Variants in ZNF208 observed in about 807,000 individuals in gnomAD.
ZNF208 encodes the protein zinc finger protein 208, also known as zinc finger protein 95.
ZNF208 carries 10 observed loss-of-function variants against 12.1 expected under a neutral mutation model. The observed-to-expected ratio is 0.83, with a 90% confidence interval of 0.51 to 1.40. The LOEUF (loss-of-function observed/expected upper bound fraction) is 1.40. ZNF208 is among the 40% of genes most tolerant of loss of function. The pLI is 0.00. For missense variants in ZNF208, 1,652 were observed against 1,485.0 expected, an observed-to-expected ratio of 1.11 and a Z score of -1.85; for synonymous variants, 497 against 488.4, an observed-to-expected ratio of 1.02 and a Z score of -0.23.
chr19:22,009,426 G>T (rs541777805), intron 1 of ZNF208: 1 of 152,272 alleles, frequency 6.6e-6, no homozygotes, highest in East Asian at 1.9e-4. Context: ...TTAGACTGAG[G>T]AGGCTCTAGT....
intron 3 of ZNF208, 46 bp downstream of exon 3, chr19:21,987,170 G>A (rs758606405): frequency 1.3e-6 from 2 of 1,580,884 alleles, no homozygotes; most frequent in Admixed American, 3.7e-5. Context: ...CTTCCTCCTT[G>A]ACTTTCGACC....
rs148470875 is a variant in ZNF208 at position 21,976,109 on chromosome 19, G to A, written c.227-1302C>T. On this transcript the variant is annotated intron_variant, in intron 3 of 3. Transcript: ENST00000397126. ...GAATTTCTAGCATTATTCTAATGGT[G>A]CAGAAAACATTTTTAATTATTCTCT... is the stretch of plus-strand genomic sequence containing the variant. Among the ~76,000 whole-genome samples the A allele has an allele frequency of 2.0e-4, 30 of 152,172 alleles. No homozygotes were observed. In the East Asian group the frequency reaches 4.8e-3, roughly 24 times the overall value.
At chr19:21,955,515 C>A (rs576631017) in intron 4 of ZNF208, among the ~76,000 whole-genome samples, 2 of 152,160 alleles carry the variant, frequency 1.3e-5, no homozygotes, top group Non-Finnish European at 2.9e-5. Flanking sequence ...TTCTTGGAGG[C>A]TTTGTTCATT....
rs558802887 is a variant in ZNF208 at position 21,956,127 on chromosome 19, C to A, written c.305+18602G>T. Among the ~76,000 whole-genome samples the A allele has an allele frequency of 2.6e-5, 4 of 152,346 alleles. No individual in the cohort carries two copies. In the South Asian group the frequency reaches 8.3e-4, roughly 32 times the overall value. On this transcript the variant is annotated intron_variant, in intron 4 of 4. Coordinates refer to the ZNF208 transcript ENST00000599916. ...CTCCAGACCCTGTTTGCCTGGGTAT[C>A]ACCAGCGGAGGCTGCAGAACAGCAA...
At chr19:21,975,714 C>CAA in intron 3 of ZNF208, among the ~76,000 whole-genome samples, 1 of 147,406 alleles carries the variant, frequency 6.8e-6, no homozygotes, top group Non-Finnish European at 1.5e-5. Context: ...AATAGGAACA[C>CAA]AAAAGTGTAT....
At chr19:21,986,342 CA>C (rs1568450465) in intron 3 of ZNF208, among the ~76,000 whole-genome samples, 3 of 151,836 alleles carry the variant, frequency 2.0e-5, no homozygotes, top group Non-Finnish European at 4.4e-5. Context: ...ATAAAATTAA[CA>C]TACAAGTTAT....
intron 1 of ZNF208, among the ~76,000 whole-genome samples, chr19:22,002,073 C>T (rs1269227352): frequency 1.3e-5 from 2 of 151,982 alleles, no homozygotes; most frequent in African/African-American, 4.8e-5. Flanking sequence ...TGATTCATCA[C>T]ATAAACAGAA....
intron 1 of ZNF208, among the ~76,000 whole-genome samples, chr19:21,989,934 GTTT>G (rs571028943): frequency 1.3e-5 from 2 of 151,700 alleles, no homozygotes; most frequent in Non-Finnish European, 2.9e-5. Context: ...GGGGTTGTTT[GTTT>G]TTTTCTTGTA....
Position 21,966,323 on chromosome 19 carries a change from A to AT in ZNF208, c.*4867dup, listed in dbSNP as rs757390846. On this transcript the variant is annotated 3_prime_UTR_variant, in exon 4 of 4. Coordinates refer to ENST00000397126, the MANE Select transcript of ZNF208 (RefSeq NM_007153.3). ...TCATCTTTGTTTCCATGTGCGCCCA[A>AT]TTTTTAGCATCCATGTATGAGTGAG... The AT allele has an allele frequency of 2.6e-5, 4 of 151,758 alleles. No individual in the cohort carries two copies. The highest frequency in any genetic ancestry group is 5.9e-5 in the Non-Finnish European group (4 of 67,928). 9.4% of individuals were successfully genotyped at this position (151,758 alleles called of 1,614,324 possible). A position where few individuals can be genotyped will look rare whatever the true frequency, so the allele number is the denominator to read the frequency against.
At chr19:21,948,765 GAAACAA>G (rs1969850333) in intron 4 of ZNF208, among the ~76,000 whole-genome samples, 2 of 147,080 alleles carry the variant, frequency 1.4e-5, no homozygotes, top group South Asian at 4.3e-4. Flanking sequence ...TAACTGTTAA[GAAACAA>G]GTAGCCTTAC....
At chr19:21,942,664 T>A (rs1005563602) in intron 4 of ZNF208, among the ~76,000 whole-genome samples, 1 of 152,194 alleles carries the variant, frequency 6.6e-6, no homozygotes, top group African/African-American at 2.4e-5. Flanking sequence ...TCTTTCTTTT[T>A]TTCAGACAGA....
chr19:21,950,180 A>G (rs575938842), intron 4 of ZNF208, among the ~76,000 whole-genome samples: 1 of 152,336 alleles, frequency 6.6e-6, no homozygotes, highest in East Asian at 1.9e-4. Context: ...GTATATTCAG[A>G]AAGCCTTTCT....
chr19:21,961,462 C>T (rs185903033), downstream of ZNF208, among the ~76,000 whole-genome samples: 14 of 152,230 alleles, frequency 9.2e-5, no homozygotes, highest in South Asian at 4.1e-4. Context: ...GGTCTATGTT[C>T]AGCTGTGCAC....
chr19:21,965,902 G>A (rs1350140128), downstream of ZNF208: 1 of 151,898 alleles, frequency 6.6e-6, no homozygotes, highest in Non-Finnish European at 1.5e-5. Context: ...TAATAAAGGT[G>A]TAATTTGTTT....
chr19:21,985,860 T>C (rs1430362888), intron 3 of ZNF208, among the ~76,000 whole-genome samples: 1 of 152,104 alleles, frequency 6.6e-6, no homozygotes, highest in Non-Finnish European at 1.5e-5. Flanking sequence ...CTAATCCACA[T>C]CCTATTATAA....
rs776778725 is a variant in ZNF208 at position 21,974,467 on chromosome 19, A to G, written c.567T>C (p.Ser189=). ...VRSFCMLSHL[S]QHKRIYTREN... ...CTCTAGTATAAATTCTTTTATGTTGAGATAGGTGTGAAAGCATGCAAAATG... is the reference window on the plus strand; with the variant it reads ...CTCTAGTATAAATTCTTTTATGTTGGGATAGGTGTGAAAGCATGCAAAATG... The change falls in exon 4 of 4, where the codon TCT becomes TCC. Residue 189 remains serine, a synonymous_variant. Transcript: ENST00000397126. The G allele has an allele frequency of 4.3e-6, 7 of 1,613,708 alleles. No homozygotes were observed. In the South Asian group the frequency reaches 7.7e-5, roughly 18 times the overall value.
At chr19:21,976,307 T>G (rs757935754) in intron 3 of ZNF208, among the ~76,000 whole-genome samples, 2 of 152,172 alleles carry the variant, frequency 1.3e-5, no homozygotes, top group Non-Finnish European at 2.9e-5. Context: ...TATTGTTGTA[T>G]TTTTAGGTTC....
At position 21,974,698 on chromosome 19, in the gene ZNF208, G is replaced by C. The variant is rs1272750225; in HGVS notation, c.336C>G (p.His112Gln). 3 of 1,613,422 alleles carry C rather than the reference G, an allele frequency of 1.9e-6. No individual in the cohort carries two copies. The highest frequency in any genetic ancestry group is 2.5e-6 in the Non-Finnish European group (3 of 1,179,718). Reference protein sequence around the residue: ...RYEKCGHENLHLKIGYTNVDE... With the variant: ...RYEKCGHENLQLKIGYTNVDE... The stretch of plus-strand genomic sequence containing the variant: ...CCACATTGGTATAACCAATTTTTAA[G>C]TGTAAATTCTCATGTCCACATTTTT... Residue 112 changes from histidine (H) to glutamine (Q), a missense_variant, in exon 4 of 4, where the codon CAC becomes CAG. By Grantham distance (24) the His-to-Gln change is conservative (BLOSUM62 0). Transcript: ENST00000397126.
intron 4 of ZNF208, among the ~76,000 whole-genome samples, chr19:21,956,551 C>A (rs771902307): frequency 6.6e-6 from 1 of 152,196 alleles, no homozygotes; most frequent in African/African-American, 2.4e-5. Flanking sequence ...AAGCCCCTCC[C>A]CTAGCCTTGC....
Sources: allele counts gnomAD v4.1 joint callset (sites outside exome capture counted in the v4.1 genomes callset), GRCh38; gene constraint gnomAD v4.1.1; transcripts MANE v1.5; gene names NCBI Gene and HGNC (gene_info 2026-07-23, HGNC 2026-07-21).